ERC2: variants seen among roughly 807,000 people sequenced by gnomAD.
The protein encoded by ERC2 is ERC protein 2.
Under a neutral mutation model 114.8 loss-of-function variants are expected in ERC2, and 42 were observed. The ratio of observed to expected loss-of-function variants is 0.37; its 90% CI spans 0.29 to 0.47. The LOEUF is 0.47. Among genes scored for constraint, ERC2 ranks in the 20% least tolerant of loss-of-function variants. ERC2 has a pLI of 0.99. For synonymous variants in ERC2, 454 were observed against 425.5 expected (o/e 1.07, Z -0.82); for missense variants, 939 against 1,150.7 (o/e 0.82, Z 2.66).
At chr3:55,613,405 G>T (rs1009861404) in intron 17 of ERC2, among the ~76,000 whole-genome samples, 2 of 152,182 alleles carry the variant, frequency 1.3e-5, no homozygotes, top group African/African-American at 4.8e-5. Flanking sequence ...TTTTTGGGGG[G>T]CGGTGTCACA....
chr3:55,853,960 A>T (rs1469795644), intron 14 of ERC2, among the ~76,000 whole-genome samples: 1 of 152,222 alleles, frequency 6.6e-6, no homozygotes, highest in Non-Finnish European at 1.5e-5. Flanking sequence ...AGACCAAATT[A>T]TCACAAGGCC....
At chr3:56,284,988 G>GTCTCTC (rs397873939) in intron 3 of ERC2, among the ~76,000 whole-genome samples, 7 of 115,606 alleles carry the variant, frequency 6.1e-5, no homozygotes, top group South Asian at 3.1e-4. Context: ...CAATCACTCT[G>GTCTCTC]TCTCTCTCTC....
chr3:55,657,813 G>C (rs1374513739), intron 17 of ERC2: 2 of 152,174 alleles, frequency 1.3e-5, no homozygotes, highest in Non-Finnish European at 2.9e-5. Context: ...GTAAAGTGTA[G>C]ATAACAATTT....
At chr3:55,994,092 C>A (rs1168318132) in intron 10 of ERC2, among the ~76,000 whole-genome samples, 1 of 152,134 alleles carries the variant, frequency 6.6e-6, no homozygotes, top group Non-Finnish European at 1.5e-5. Context: ...TTCGTGTTAA[C>A]CTCTCTTTCA....
intron 7 of ERC2, among the ~76,000 whole-genome samples, chr3:56,051,071 C>G (rs1464312329): frequency 1.3e-5 from 2 of 152,160 alleles, no homozygotes; most frequent in African/African-American, 4.8e-5. Context: ...AAAGTACTTT[C>G]TACCCAACAG....
chr3:55,821,552 G>T (rs2149156687), intron 14 of ERC2, among the ~76,000 whole-genome samples: 1 of 152,332 alleles, frequency 6.6e-6, no homozygotes, highest in South Asian at 2.1e-4. Flanking sequence ...AAGATTCACA[G>T]TGATGCACCC....
chr3:56,333,110 C>T (rs938384853), intron 2 of ERC2, among the ~76,000 whole-genome samples: 1 of 152,202 alleles, frequency 6.6e-6, no homozygotes, highest in Non-Finnish European at 1.5e-5. Flanking sequence ...AGTCAGTTAA[C>T]TGGACACTAC....
intron 3 of ERC2, among the ~76,000 whole-genome samples, chr3:56,180,072 A>C (rs756619363): frequency 4.7e-4 from 72 of 152,260 alleles, no homozygotes; most frequent in Non-Finnish European, 2.1e-4. Context: ...GAGAATGAAG[A>C]GCATGGCCTC....
chr3:56,382,594 C>A (rs2059792705), intron 2 of ERC2, among the ~76,000 whole-genome samples: 1 of 152,084 alleles, frequency 6.6e-6, no homozygotes, highest in African/African-American at 2.4e-5. Flanking sequence ...TCATGCCCTC[C>A]CTTGTTGAAA....
chr3:55,733,538 T>TCACACA (rs1196908352), intron 15 of ERC2, among the ~76,000 whole-genome samples: 893 of 74,166 alleles, frequency 0.012, 11 homozygotes, highest in Non-Finnish European at 0.015. Flanking sequence ...TCTTTCTCTC[T>TCACACA]CTCTCACACA....
At position 55,513,871 on chromosome 3, in the gene ERC2, G is replaced by A. The variant is rs529006623; in HGVS notation, c.*40-2595C>T. On this transcript the variant is annotated intron_variant, in intron 17 of 17. Coordinates refer to ENST00000288221, the MANE Select transcript of ERC2 (RefSeq NM_015576.3). Reference sequence around the variant, plus strand: ...GCTCGTCTCAAACTCTTGGGCTCAAGTGATCCACCTGCCTCAGGCTCCCAA... The same window carrying A: ...GCTCGTCTCAAACTCTTGGGCTCAAATGATCCACCTGCCTCAGGCTCCCAA... Among the ~76,000 whole-genome samples the A allele has an allele frequency of 1.0e-3, 153 of 152,096 alleles. 2 individuals are homozygous for A. Among genetic ancestry groups the A allele is most frequent in the African/African-American group, 3.5e-3 (144 of 41,500 alleles).
At chr3:56,354,719 C>T (rs765657478) in intron 2 of ERC2, among the ~76,000 whole-genome samples, 2 of 152,196 alleles carry the variant, frequency 1.3e-5, no homozygotes, top group African/African-American at 2.4e-5. Context: ...TTCCCAAACA[C>T]GGGAAGTGTC....
At chr3:55,910,314 C>T (rs1243331447) in intron 13 of ERC2, among the ~76,000 whole-genome samples, 2 of 151,908 alleles carry the variant, frequency 1.3e-5, no homozygotes, top group Non-Finnish European at 1.5e-5. Flanking sequence ...ATCCCTTGGA[C>T]CTGGGAGGTG....
intron 2 of ERC2, among the ~76,000 whole-genome samples, chr3:56,380,248 G>C (rs545029003): frequency 6.6e-6 from 1 of 152,080 alleles, no homozygotes; most frequent in Non-Finnish European, 1.5e-5. Context: ...CTGAAGGTGT[G>C]GTTGGGCAGC....
chr3:55,859,284 T>TC (rs1455906724), intron 14 of ERC2, among the ~76,000 whole-genome samples: 1 of 152,142 alleles, frequency 6.6e-6, no homozygotes, highest in Non-Finnish European at 1.5e-5. Context: ...CTTATTTTTT[T>TC]CCCCTTTCTT....
At chr3:55,929,263 T>C (rs2065931706) in intron 13 of ERC2, among the ~76,000 whole-genome samples, 1 of 152,148 alleles carries the variant, frequency 6.6e-6, no homozygotes, top group African/African-American at 2.4e-5. Context: ...AACTTCCTGC[T>C]CAGCACTGCC....
intron 3 of ERC2, among the ~76,000 whole-genome samples, chr3:56,286,870 A>G (rs1202690114): frequency 1.3e-5 from 2 of 152,196 alleles, no homozygotes; most frequent in African/African-American, 4.8e-5. Flanking sequence ...TTACTCATGA[A>G]GTCTCACTCA....
At chr3:56,244,581 T>C (rs1281611817) in intron 3 of ERC2, among the ~76,000 whole-genome samples, 1 of 152,062 alleles carries the variant, frequency 6.6e-6, no homozygotes, top group African/African-American at 2.4e-5. Context: ...TGGACTAATG[T>C]GTGTGTTTGT....
intron 17 of ERC2, among the ~76,000 whole-genome samples, chr3:55,619,907 G>A (rs1171830173): frequency 6.6e-6 from 1 of 152,186 alleles, no homozygotes; most frequent in Non-Finnish European, 1.5e-5. Context: ...CATCTCTTGA[G>A]TTCAAAGACA....
Sources: gnomAD v4.1 joint callset for allele counts (sites outside exome capture counted in the v4.1 genomes callset) on GRCh38, gnomAD v4.1.1 for gene constraint, MANE v1.5 for transcripts, NCBI Gene and HGNC (gene_info 2026-07-23, HGNC 2026-07-21) for gene names.